NELL1: variants seen among roughly 807,000 people sequenced by gnomAD.
The protein encoded by NELL1 is neural EGFL like 1, also known as protein kinase C-binding protein NELL1.
A neutral mutation model predicts 107.4 loss-of-function variants in NELL1; 76 were observed. That is an observed-to-expected ratio of 0.71 (90% CI 0.59 to 0.86). The LOEUF is 0.86. Ranked by LOEUF, NELL1 falls within the 40% of genes least tolerant of loss-of-function variation. The pLI, the probability that NELL1 is intolerant of heterozygous loss-of-function variation, is 0.00. For missense variants in NELL1, 1,024 were observed against 1,005.5 expected (o/e 1.02, Z -0.25); for synonymous variants, 353 against 341.2 (o/e 1.03, Z -0.38).
chr11:20,885,020 A>G (rs138645234), intron 4 of NELL1, among the ~76,000 whole-genome samples: 1 of 152,214 alleles, frequency 6.6e-6, no homozygotes, highest in African/African-American at 2.4e-5. Flanking sequence ...GCAGGGTGCA[A>G]AGGAAAGTAC....
chr11:21,335,499 G>C (rs1850370066), intron 14 of NELL1, among the ~76,000 whole-genome samples: 1 of 152,024 alleles, frequency 6.6e-6, no homozygotes, highest in Non-Finnish European at 1.5e-5. Flanking sequence ...AATCACTTTG[G>C]ATTAAGCATC....
intron 3 of NELL1, among the ~76,000 whole-genome samples, chr11:20,813,620 A>G (rs1261373238): frequency 6.6e-6 from 1 of 152,236 alleles, no homozygotes; most frequent in African/African-American, 2.4e-5. Flanking sequence ...GATTCAAACC[A>G]ACAAGAGGTG....
At chr11:21,331,085 T>C (rs1006993164) in intron 14 of NELL1, among the ~76,000 whole-genome samples, 10 of 152,072 alleles carry the variant, frequency 6.6e-5, no homozygotes, top group Non-Finnish European at 1.2e-4. Context: ...TTCTTATTTT[T>C]TATTTGATGA....
intron 14 of NELL1, among the ~76,000 whole-genome samples, chr11:21,349,125 G>A (rs1003246549): frequency 2.0e-5 from 3 of 152,022 alleles, no homozygotes; most frequent in Admixed American, 6.6e-5. Flanking sequence ...TTCTGTATTA[G>A]AGCTACAACT....
At chr11:21,371,984 C>T (rs929552536) in intron 15 of NELL1, among the ~76,000 whole-genome samples, 28 of 152,112 alleles carry the variant, frequency 1.8e-4, no homozygotes, top group African/African-American at 6.3e-4. Flanking sequence ...GCAGTCTAAT[C>T]CTTTTAAAGA....
intron 2 of NELL1, among the ~76,000 whole-genome samples, chr11:20,718,575 T>G (rs1401788): frequency 0.7 from 106,186 of 151,994 alleles, 40,734 homozygotes; most frequent in East Asian, 0.95. Context: ...AGGCAGTCAT[T>G]ACCCTTGCTC....
intron 2 of NELL1, among the ~76,000 whole-genome samples, chr11:20,764,586 T>C (rs1564899160): frequency 1.3e-5 from 2 of 150,904 alleles, no homozygotes; most frequent in Non-Finnish European, 1.5e-5. Flanking sequence ...TAAATAAATA[T>C]TGACACCTGG....
intron 14 of NELL1, among the ~76,000 whole-genome samples, chr11:21,279,770 T>A (rs941539823): frequency 1.3e-5 from 2 of 152,230 alleles, no homozygotes; most frequent in Admixed American, 1.3e-4. Flanking sequence ...GCAAACAGAT[T>A]GTTTAGAGCA....
In NELL1 at chr11:21,151,654, A is replaced by G. The variant is rs368145363; in HGVS notation, c.1426+37940A>G. On this transcript the variant is annotated intron_variant, in intron 13 of 19. Coordinates refer to ENST00000357134, the MANE Select transcript of NELL1 (RefSeq NM_006157.5). ...CTTTAAAGATTAAATGGGATAATGC[A>G]TATAAAATATCTTAGCACAGTTCCT... 1.3e-4 allele frequency among the ~76,000 whole-genome samples: 20 copies of G among 152,352 alleles called. 1 individual carries two copies. In the East Asian group the frequency reaches 2.7e-3, roughly 21 times the overall value.
intron 15 of NELL1, among the ~76,000 whole-genome samples, chr11:21,471,669 G>T (rs1854187313): frequency 6.6e-6 from 1 of 151,980 alleles, no homozygotes; most frequent in Non-Finnish European, 1.5e-5. Flanking sequence ...TTCCATTAAA[G>T]AAATGAAGAA....
rs774539071 is a variant in NELL1, at chr11:21,407,032, G to A, written c.1645+36084G>A. ...TGAAATCAATGTTTTTAGCTTCCACGTATGAGTGAGAATTTGAGTGAAGCT... is the reference window on the plus strand; with the variant it reads ...TGAAATCAATGTTTTTAGCTTCCACATATGAGTGAGAATTTGAGTGAAGCT... On this transcript the variant is annotated intron_variant, in intron 15 of 19. Coordinates refer to ENST00000357134, the MANE Select transcript of NELL1 (RefSeq NM_006157.5). 5.3e-5 allele frequency among the ~76,000 whole-genome samples: 8 copies of A among 152,056 alleles called. No homozygotes were observed. The East Asian group carries it at 5.9e-4, about 11-fold the overall frequency.
intron 2 of NELL1, among the ~76,000 whole-genome samples, chr11:20,727,633 G>T (rs1251953517): frequency 6.6e-6 from 1 of 152,144 alleles, no homozygotes; most frequent in Non-Finnish European, 1.5e-5. Flanking sequence ...GGCTTTTGTT[G>T]CCATTGCTTT....
At chr11:20,964,945 A>G (rs368113401) in intron 12 of NELL1, among the ~76,000 whole-genome samples, 3 of 152,164 alleles carry the variant, frequency 2.0e-5, no homozygotes, top group African/African-American at 7.2e-5. Flanking sequence ...GTGAGAAATA[A>G]TCTTGTATGC....
chr11:21,368,981 C>G (rs1425546627), intron 14 of NELL1, among the ~76,000 whole-genome samples: 1 of 152,004 alleles, frequency 6.6e-6, no homozygotes, highest in Non-Finnish European at 1.5e-5. Context: ...CTCGTGCTCT[C>G]CTCATAAAAC....
At chr11:21,288,730 G>A (rs185772701) in intron 14 of NELL1, among the ~76,000 whole-genome samples, 5 of 152,278 alleles carry the variant, frequency 3.3e-5, no homozygotes, top group African/African-American at 9.6e-5. Context: ...TAGTGAGTTC[G>A]AATGACCAGC....
chr11:20,691,764 G>T (rs1263035666), intron 2 of NELL1, among the ~76,000 whole-genome samples: 1 of 151,906 alleles, frequency 6.6e-6, no homozygotes, highest in Non-Finnish European at 1.5e-5. Flanking sequence ...TTGTGTCTCT[G>T]ACCGGCTTTG....
At chr11:21,034,925 A>T (rs1853050811) in intron 12 of NELL1, among the ~76,000 whole-genome samples, 1 of 152,086 alleles carries the variant, frequency 6.6e-6, no homozygotes, top group Admixed American at 6.6e-5. Context: ...GACACAAAAA[A>T]ATTTAAAAGA....
chr11:21,113,612 A>C lies in NELL1; in HGVS notation c.1324A>C (p.Met442Leu), dbSNP rs1855157733. Reference protein sequence around the residue: ...CEDIDECAAKMHYCHANTVCV... With the variant: ...CEDIDECAAKLHYCHANTVCV... ...AGATATTGATGAGTGTGCAGCTAAG[A>C]TGCATTACTGTCATGCCAATACTGT... The change falls in exon 13 of 20, where the codon ATG becomes CTG. Residue 442 changes from methionine (M) to leucine (L), a missense_variant. By Grantham distance (15) the Met-to-Leu change is conservative. Transcript: ENST00000357134. The C allele has an allele frequency of 6.2e-7, 1 of 1,611,976 alleles. No homozygotes were observed. Among genetic ancestry groups the C allele is most frequent in the Non-Finnish European group, 8.5e-7 (1 of 1,178,594 alleles).
intron 12 of NELL1, among the ~76,000 whole-genome samples, chr11:20,995,893 T>G (rs1852081063): frequency 6.6e-6 from 1 of 152,196 alleles, no homozygotes; most frequent in Non-Finnish European, 1.5e-5. Context: ...GTTAGGTCAC[T>G]GGGCACTGAA....
Sources: allele counts gnomAD v4.1 joint callset (sites outside exome capture counted in the v4.1 genomes callset), GRCh38; gene constraint gnomAD v4.1.1; transcripts MANE v1.5; gene names NCBI Gene and HGNC (gene_info 2026-07-23, HGNC 2026-07-21).